The following UNC5C variants were observed in gnomAD, a reference collection of about 807,000 sequenced individuals.
UNC5C encodes unc-5 netrin receptor C.
Under a neutral mutation model 99.8 loss-of-function variants are expected in UNC5C, and 47 were observed. The ratio of observed to expected loss-of-function variants is 0.47; its 90% CI spans 0.37 to 0.60. The LOEUF (loss-of-function observed/expected upper bound fraction) is 0.60. UNC5C is among the 20% of genes least tolerant of loss of function. The pLI is 0.00. For synonymous variants in UNC5C, 487 were observed against 452.2 expected, an observed-to-expected ratio of 1.08 and a Z score of -0.98; for missense variants, 1,062 against 1,165.9, an observed-to-expected ratio of 0.91 and a Z score of 1.30.
At chr4:95,250,238 C>T (rs532054123) in intron 5 of UNC5C, among the ~76,000 whole-genome samples, 18 of 152,062 alleles carry the variant, frequency 1.2e-4, no homozygotes, top group African/African-American at 2.9e-4. Context: ...CTTCTAGAAC[C>T]GGGCATGGTG....
chr4:95,190,392 TGAG>T (rs1157435912), intron 12 of UNC5C, among the ~76,000 whole-genome samples: 3 of 152,152 alleles, frequency 2.0e-5, no homozygotes, highest in South Asian at 2.1e-4. Context: ...CTAATGTAAA[TGAG>T]GAGTTAATGG....
chr4:95,216,213 T>G lies in UNC5C; in HGVS notation c.1646-2A>C. 1 of 1,610,996 alleles carries G rather than the reference T, an allele frequency of 6.2e-7. No individual in the cohort carries two copies. The highest frequency in any genetic ancestry group is 8.5e-7 in the Non-Finnish European group (1 of 1,178,634). Reference sequence around the variant, plus strand: ...CAGCGGGAATCAGCAAGCTGACTCCTGAATAGCAAAAGAGAAAAGCAGTCA... The same window carrying G: ...CAGCGGGAATCAGCAAGCTGACTCCGGAATAGCAAAAGAGAAAAGCAGTCA... On this transcript the variant is annotated splice_acceptor_variant, in intron 9 of 15. Transcript: ENST00000453304. LOFTEE classifies it high-confidence loss of function.
chr4:95,170,000 G>A (rs778635639), intron 15 of UNC5C, among the ~76,000 whole-genome samples, 154 bp downstream of exon 15: 2 of 152,142 alleles, frequency 1.3e-5, no homozygotes, highest in African/African-American at 2.4e-5. Flanking sequence ...GTAGTGCAAG[G>A]TACAAGGACA....
At chr4:95,218,563 C>T (rs1738345036) in intron 9 of UNC5C, among the ~76,000 whole-genome samples, 2 of 152,120 alleles carry the variant, frequency 1.3e-5, no homozygotes, top group Non-Finnish European at 2.9e-5. Flanking sequence ...AATTTGTTTT[C>T]TGTATTATTG....
intron 1 of UNC5C, among the ~76,000 whole-genome samples, chr4:95,349,561 C>T (rs1743910177): frequency 6.6e-6 from 1 of 151,144 alleles, no homozygotes; most frequent in African/African-American, 2.4e-5. Flanking sequence ...CCTATTTTTT[C>T]TGCTTTTTGA....
intron 1 of UNC5C, among the ~76,000 whole-genome samples, chr4:95,531,443 CT>C (rs1722640725): frequency 6.6e-6 from 1 of 152,218 alleles, no homozygotes. Context: ...TCTGTGTTTA[CT>C]GAAGTCTTAG....
chr4:95,382,410 G>A (rs4302469), intron 1 of UNC5C, among the ~76,000 whole-genome samples: 37,118 of 150,666 alleles, frequency 0.25, 5,346 homozygotes, highest in East Asian at 0.65. Flanking sequence ...AGTGAGCTGA[G>A]ACTGTACCAC....
chr4:95,449,066 A>G (rs563814865), intron 1 of UNC5C, among the ~76,000 whole-genome samples: 3 of 151,560 alleles, frequency 2.0e-5, no homozygotes, highest in South Asian at 2.1e-4. Context: ...TCCTACTGGG[A>G]AAAAAAAAAC....
At chr4:95,267,861 A>G (rs1740504600) in intron 4 of UNC5C, among the ~76,000 whole-genome samples, 1 of 152,126 alleles carries the variant, frequency 6.6e-6, no homozygotes, top group African/African-American at 2.4e-5. Flanking sequence ...ATGGAAACAT[A>G]TAAGTAGAAA....
chr4:95,528,714 T>C (rs1205206411), intron 1 of UNC5C, among the ~76,000 whole-genome samples: 1 of 152,006 alleles, frequency 6.6e-6, no homozygotes, highest in African/African-American at 2.4e-5. Flanking sequence ...CTCAAGAAAT[T>C]AGAGACAGGG....
In UNC5C at chr4:95,185,060, A is replaced by C. The variant is rs1194848389; in HGVS notation, c.2273T>G (p.Leu758Arg). Residue 758 changes from leucine (L) to arginine (R), a missense_variant, in exon 13 of 16, where the codon CTG (leucine) becomes CGG (arginine). By Grantham distance (102) the Leu-to-Arg change is moderately radical. Transcript: ENST00000453304. ...TGGGAACCTTACCTGATATTTAGCC[A>C]GCAATTTGCTCTTCCAGAGGGAATG... is the stretch of plus-strand genomic sequence containing the variant. ...IAHSLWKSKL[L>R]AKYQEIPFYH... is the part of the protein sequence containing the mutation. 1 of 1,611,458 alleles carries C rather than the reference A, an allele frequency of 6.2e-7. No homozygotes were observed. The highest frequency in any genetic ancestry group is 1.1e-5 in the South Asian group (1 of 90,516).
intron 1 of UNC5C, among the ~76,000 whole-genome samples, chr4:95,494,844 G>A (rs1331165974): frequency 2.6e-5 from 4 of 151,360 alleles, no homozygotes; most frequent in Admixed American, 6.6e-5. Flanking sequence ...GTAGCCAGAA[G>A]TAACTCACTA....
rs559766284 is a variant in UNC5C, at chr4:95,471,090, T to C, written c.124+77644A>G. Reference sequence around the variant, plus strand: ...CTTCATGCAACTTCTTAAATTTAAATATAGGAAGACTGGCTGGAACTTAAA... The same window carrying C: ...CTTCATGCAACTTCTTAAATTTAAACATAGGAAGACTGGCTGGAACTTAAA... On this transcript the variant is annotated intron_variant, in intron 1 of 15. Coordinates refer to ENST00000453304, the MANE Select transcript of UNC5C (RefSeq NM_003728.4). Among the ~76,000 whole-genome samples, 3 of 150,450 alleles carry C rather than the reference T, an allele frequency of 2.0e-5. No homozygotes were observed. The East Asian group carries it at 5.9e-4, about 30-fold the overall frequency.
intron 3 of UNC5C, among the ~76,000 whole-genome samples, chr4:95,296,831 T>G (rs569670163): frequency 6.6e-6 from 1 of 152,342 alleles, no homozygotes; most frequent in East Asian, 1.9e-4. Context: ...TTTTTAAACA[T>G]GATTAAAAGT....
intron 1 of UNC5C, among the ~76,000 whole-genome samples, chr4:95,466,323 T>C (rs1375165906): frequency 6.6e-6 from 1 of 152,158 alleles, no homozygotes; most frequent in Non-Finnish European, 1.5e-5. Flanking sequence ...TAAAATCTAG[T>C]GAAGGTAACA....
At chr4:95,480,640 C>T (rs759095058) in intron 1 of UNC5C, among the ~76,000 whole-genome samples, 1 of 151,990 alleles carries the variant, frequency 6.6e-6, no homozygotes, top group African/African-American at 2.4e-5. Context: ...TCCAGCAGCA[C>T]ATCAAAAAGC....
At chr4:95,340,466 A>G (rs1239394570) in intron 1 of UNC5C, among the ~76,000 whole-genome samples, 2 of 152,188 alleles carry the variant, frequency 1.3e-5, no homozygotes, top group Non-Finnish European at 2.9e-5. Context: ...AGGCAGCTGG[A>G]ATTAACTAGT....
intron 2 of UNC5C, among the ~76,000 whole-genome samples, chr4:95,304,025 G>A (rs1203514009): frequency 6.6e-6 from 1 of 152,086 alleles, no homozygotes; most frequent in East Asian, 1.9e-4. Context: ...CTACCCAATG[G>A]GAGTAGGAGC....
chr4:95,493,092 A>C (rs1202864077), intron 1 of UNC5C, among the ~76,000 whole-genome samples: 2 of 151,480 alleles, frequency 1.3e-5, no homozygotes, highest in African/African-American at 4.8e-5. Flanking sequence ...GGCAGCTTTA[A>C]CGGTAACCAA....
Sources: allele counts gnomAD v4.1 joint callset (sites outside exome capture counted in the v4.1 genomes callset), GRCh38; gene constraint gnomAD v4.1.1; transcripts MANE v1.5; gene names NCBI Gene and HGNC (gene_info 2026-07-23, HGNC 2026-07-21).